Variants in PCDH17 observed in about 807,000 individuals in gnomAD.
PCDH17 encodes the protein protocadherin-17.
A neutral mutation model predicts 67.7 loss-of-function variants in PCDH17; 21 were observed. The ratio of observed to expected loss-of-function variants is 0.31; its 90% CI spans 0.22 to 0.45. The LOEUF is 0.45. Ranked by LOEUF, PCDH17 falls within the 20% of genes least tolerant of loss-of-function variation. PCDH17 has a pLI of 1.00. For missense variants in PCDH17, 1,471 were observed against 1,564.8 expected, an observed-to-expected ratio of 0.94 and a Z score of 1.01; for synonymous variants, 701 against 656.7, an observed-to-expected ratio of 1.07 and a Z score of -1.03.
chr13:57,631,378 T>C (rs1954717852), upstream of PCDH17, among the ~76,000 whole-genome samples: 1 of 152,098 alleles, frequency 6.6e-6, no homozygotes, highest in African/African-American at 2.4e-5. Context: ...CCCCCTTCCT[T>C]TTTATTCGGC....
At chr13:57,639,745 A>C (rs1265990606) in intron 1 of PCDH17, among the ~76,000 whole-genome samples, 4 of 151,940 alleles carry the variant, frequency 2.6e-5, no homozygotes, top group Non-Finnish European at 1.5e-5. Flanking sequence ...AGTATATGCC[A>C]AAAAATTTGG....
chr13:57,674,850 T>C (rs1955371732), intron 3 of PCDH17, among the ~76,000 whole-genome samples: 1 of 151,968 alleles, frequency 6.6e-6, no homozygotes, highest in Admixed American at 6.6e-5. Flanking sequence ...CCTCTGTTCT[T>C]TTAAAAGCCA....
intron 1 of PCDH17, among the ~76,000 whole-genome samples, chr13:57,660,842 G>A (rs1955173398): frequency 6.6e-6 from 1 of 151,960 alleles, no homozygotes; most frequent in Non-Finnish European, 1.5e-5. Context: ...AGATTCATTC[G>A]GGTTGTTACA....
chr13:57,682,090 T>C (rs1955456437), intron 3 of PCDH17, among the ~76,000 whole-genome samples: 1 of 151,738 alleles, frequency 6.6e-6, no homozygotes, highest in Non-Finnish European at 1.5e-5. Flanking sequence ...AACTCCATTT[T>C]TTTTCCTCCA....
intron 3 of PCDH17, among the ~76,000 whole-genome samples, chr13:57,684,454 A>T (rs1238682683): frequency 6.6e-6 from 1 of 151,846 alleles, no homozygotes; most frequent in Non-Finnish European, 1.5e-5. Context: ...TCTCAAATGT[A>T]CTCTAATTGT....
chr13:57,669,638 T>A (rs1462470183), intron 3 of PCDH17, among the ~76,000 whole-genome samples: 1 of 152,082 alleles, frequency 6.6e-6, no homozygotes, highest in Admixed American at 6.6e-5. Flanking sequence ...CAACATTAGG[T>A]TGTTTAACCT....
intron 3 of PCDH17, among the ~76,000 whole-genome samples, chr13:57,697,006 G>C (rs900687612): frequency 9.2e-5 from 14 of 151,582 alleles, no homozygotes; most frequent in African/African-American, 3.4e-4. Flanking sequence ...TTTTAAGTAG[G>C]CTTGAAGAAA....
chr13:57,664,790 G>A (rs538022953), intron 1 of PCDH17, among the ~76,000 whole-genome samples: 15 of 152,322 alleles, frequency 9.8e-5, no homozygotes, highest in African/African-American at 3.1e-4. Context: ...ATTAAAATGT[G>A]AAGTGACTAA....
intron 3 of PCDH17, among the ~76,000 whole-genome samples, chr13:57,686,724 C>T (rs373451505): frequency 6.6e-6 from 1 of 151,860 alleles, no homozygotes; most frequent in Non-Finnish European, 1.5e-5. Context: ...AAAGTTTAGA[C>T]TTTAAAACTA....
In PCDH17 at chr13:57,724,682, A is replaced by G. The variant is rs138008551; in HGVS notation, c.2868A>G (p.Pro956=). The part of the protein sequence containing the change: ...VLGHSDRCWM[P]QFPAANQAEN... ...GTCATTCTGACAGGTGCTGGATGCCACAGTTCCCTGCAGCCAATCAGGCTG... is the reference window on the plus strand; with the variant it reads ...GTCATTCTGACAGGTGCTGGATGCCGCAGTTCCCTGCAGCCAATCAGGCTG... The change falls in exon 4 of 4, where the codon CCA becomes CCG. Residue 956 remains proline (P), a synonymous_variant. Transcript: ENST00000377918. 1.6e-5 allele frequency: 26 copies of G among 1,613,972 alleles called. No homozygotes were observed. In the African/African-American group the frequency reaches 3.1e-4, roughly 19 times the overall value.
At chr13:57,720,152 A>G (rs988364146) in intron 3 of PCDH17, among the ~76,000 whole-genome samples, 4 of 152,006 alleles carry the variant, frequency 2.6e-5, no homozygotes, top group African/African-American at 9.7e-5. Flanking sequence ...TCACAAAATG[A>G]TTGCTTGCCT....
intron 3 of PCDH17, among the ~76,000 whole-genome samples, chr13:57,674,059 TAG>T (rs1319022729): frequency 6.6e-6 from 1 of 151,984 alleles, no homozygotes; most frequent in African/African-American, 2.4e-5. Context: ...ATCATGAAAA[TAG>T]AGAGATTTTA....
In PCDH17 at chr13:57,635,035, C is replaced by G. The variant is rs868610348; in HGVS notation, c.2489C>G (p.Ala830Gly). ...AACCTGACTGTCCCTCAGGGGCACG[C>G]GGGCTGCCACACCAGCTTCACCGGA... ...SNNLTVPQGH[A>G]GCHTSFTGQG... The change falls in exon 1 of 4, where the codon GCG becomes GGG. Residue 830 changes from alanine to glycine, a missense_variant. Physicochemically the swap from Ala to Gly is moderately conservative, Grantham distance 60. This residue lies in a region of PCDH17 where 1,163 missense variants were observed against 1,230.0 expected (regional missense o/e 0.95). Transcript: ENST00000377918. 1 of 1,613,212 alleles carries G rather than the reference C, an allele frequency of 6.2e-7. No individual in the cohort carries two copies. The highest frequency in any genetic ancestry group is 1.3e-5 in the African/African-American group (1 of 74,908).
intron 3 of PCDH17, among the ~76,000 whole-genome samples, chr13:57,682,769 G>A (rs1955465952): frequency 6.6e-6 from 1 of 151,838 alleles, no homozygotes; most frequent in Admixed American, 6.6e-5. Flanking sequence ...CACAGGTTAA[G>A]CAGAAGAATT....
chr13:57,707,364 TGTGTGTG>T (rs1466859139), intron 3 of PCDH17, among the ~76,000 whole-genome samples: 1 of 151,728 alleles, frequency 6.6e-6, no homozygotes, highest in East Asian at 1.9e-4. Flanking sequence ...TGTGTGTGTG[TGTGTGTG>T]TTCATAATAA....
intron 1 of PCDH17, 69 bp from the exon 2 acceptor site, chr13:57,666,399 A>T (rs113068381): frequency 1.7e-6 from 2 of 1,166,334 alleles, no homozygotes; most frequent in Non-Finnish European, 2.5e-6. Context: ...TCCACTAGGA[A>T]ATCTTGTTGC....
At chr13:57,702,743 C>T (rs1020759375) in intron 3 of PCDH17, among the ~76,000 whole-genome samples, 2 of 152,168 alleles carry the variant, frequency 1.3e-5, no homozygotes, top group African/African-American at 2.4e-5. Context: ...TGTGGCAAGA[C>T]AGCCAGTCTC....
intron 1 of PCDH17, 147 bp downstream of exon 1, chr13:57,635,258 T>G (rs1411656853): frequency 1.4e-6 from 1 of 723,370 alleles, no homozygotes; most frequent in African/African-American, 1.8e-5. Context: ...TTTGACACTG[T>G]GTATACATCA....
intron 1 of PCDH17, among the ~76,000 whole-genome samples, chr13:57,664,492 A>G (rs1254590615): frequency 6.6e-6 from 1 of 151,710 alleles, no homozygotes; most frequent in Non-Finnish European, 1.5e-5. Flanking sequence ...AGGACAAGAG[A>G]AAAAAAGTTT....
Sources: gnomAD v4.1 joint callset for allele counts (sites outside exome capture counted in the v4.1 genomes callset) on GRCh38, gnomAD v4.1.1 for gene constraint, gnomAD v4.1.1 regional missense constraint, MANE v1.5 for transcripts, NCBI Gene and HGNC (gene_info 2026-07-23, HGNC 2026-07-21) for gene names.